Variants in AXIN1 observed in about 807,000 individuals in gnomAD.
AXIN1 encodes axin 1.
In AXIN1, 30 loss-of-function variants were observed where a neutral mutation model predicts 76.4. That is an observed-to-expected ratio of 0.39 (90% confidence interval 0.29 to 0.53). The LOEUF is 0.53. AXIN1 is among the 20% of genes least tolerant of loss of function. AXIN1 has a pLI of 0.66. For missense variants in AXIN1, 1,140 were observed against 1,198.8 expected (o/e 0.95, Z 0.72); for synonymous variants, 545 against 501.4 (o/e 1.09, Z -1.16).
intron 2 of AXIN1, among the ~76,000 whole-genome samples, chr16:325,995 C>T (rs1340705845): frequency 6.6e-6 from 1 of 151,974 alleles, no homozygotes; most frequent in Non-Finnish European, 1.5e-5. Flanking sequence ...GGAGAGGTCT[C>T]GCTTCTGTTT....
intron 2 of AXIN1, among the ~76,000 whole-genome samples, chr16:320,721 G>GTATATATATATA (rs1363646713): frequency 5.0e-5 from 6 of 120,168 alleles, no homozygotes; most frequent in African/African-American, 2.1e-4. Context: ...ATGCGTGTGT[G>GTATATATATATA]TGTATATATA....
In AXIN1 at chr16:297,941, G is replaced by A. The variant is rs2052761107; in HGVS notation, c.1565C>T (p.Ala522Val). 2 of 1,601,412 alleles carry A rather than the reference G, an allele frequency of 1.2e-6. No homozygotes were observed. Among genetic ancestry groups the A allele is most frequent in the South Asian group, 1.1e-5 (1 of 90,766 alleles). The change falls in exon 6 of 11, where the codon GCG becomes GTG. Residue 522 changes from alanine (A) to valine (V), a missense_variant. Coordinates refer to ENST00000262320, the MANE Select transcript of AXIN1 (RefSeq NM_003502.4). ...GTGCAGGCCGGCCGCGTCCAGCTTC[G>A]CCCCTGACTTGGGTACGTGCTTCCC... The part of the protein sequence containing the change: ...GHGKHVPKSG[A>V]KLDAAGLHHH...
chr16:300,370 T>C (rs1003798000), intron 5 of AXIN1, among the ~76,000 whole-genome samples: 1 of 151,024 alleles, frequency 6.6e-6, no homozygotes, highest in Non-Finnish European at 1.5e-5. Context: ...TTCTTTTTCT[T>C]TTTTTTTTGT....
At chr16:296,568 T>A (rs1216436958) in intron 7 of AXIN1, among the ~76,000 whole-genome samples, 1 of 152,132 alleles carries the variant, frequency 6.6e-6, no homozygotes, top group Non-Finnish European at 1.5e-5. Context: ...GGGGCCTTGC[T>A]CCACACCACA....
chr16:322,188 G>A (rs1332490483), intron 2 of AXIN1, among the ~76,000 whole-genome samples: 1 of 152,240 alleles, frequency 6.6e-6, no homozygotes, highest in Non-Finnish European at 1.5e-5. Flanking sequence ...GCTTCTCCCA[G>A]GCCTGGCTCA....
intron 2 of AXIN1, among the ~76,000 whole-genome samples, chr16:325,300 T>A (rs2141637285): frequency 7.6e-6 from 1 of 131,202 alleles, no homozygotes; most frequent in African/African-American, 3.3e-5. Context: ...GGGGAGCTAG[T>A]GCCCCCCGCT....
Position 314,652 on chromosome 16 carries a change from A to C in AXIN1, c.910T>G (p.Tyr304Asp). ...YGSWREPVNP[Y>D]YVNAGYALAP... ...AGGGCATAGCCGGCATTGACATAATAGGGGTTGACTGGCTCCCGCCAGGAT... is the reference window on the plus strand; with the variant it reads ...AGGGCATAGCCGGCATTGACATAATCGGGGTTGACTGGCTCCCGCCAGGAT... The change falls in exon 3 of 11, where the codon TAT (tyrosine) becomes GAT (aspartate). Residue 304 changes from tyrosine to aspartate, a missense_variant. By Grantham distance (160) the Tyr-to-Asp change is radical. Around this residue, in one of 3 missense-constraint regions of AXIN1, gnomAD observed 708 missense variants for 776.9 expected, o/e 0.91. Coordinates refer to ENST00000262320, the MANE Select transcript of AXIN1 (RefSeq NM_003502.4). 1 of 1,613,970 alleles carries C rather than the reference A, an allele frequency of 6.2e-7. No homozygotes were observed. Among genetic ancestry groups the C allele is most frequent in the Non-Finnish European group, 8.5e-7 (1 of 1,180,020 alleles).
intron 6 of AXIN1, 146 bp from the exon 7 acceptor site, chr16:297,372 C>T (rs1020573869): frequency 1.7e-5 from 18 of 1,061,074 alleles, no homozygotes; most frequent in East Asian, 2.6e-5. Flanking sequence ...GTCCCCCACC[C>T]GCTGTCCCCC....
intron 2 of AXIN1, among the ~76,000 whole-genome samples, chr16:321,134 AC>A (rs1445957157): frequency 6.6e-6 from 1 of 152,040 alleles, no homozygotes; most frequent in Non-Finnish European, 1.5e-5. Context: ...CCTGGGAATC[AC>A]CCGAAACCAC....
In AXIN1 at chr16:291,564, C is replaced by T. The variant is rs182102069; in HGVS notation, c.2187-267G>A. On this transcript the variant is annotated intron_variant, in intron 8 of 10. Transcript: ENST00000262320. ...CCTGGACCGCACTTTGGGGAGCTTCCGATCAGGGGTGCTGGGATCCCACCA... is the reference window on the plus strand; with the variant it reads ...CCTGGACCGCACTTTGGGGAGCTTCTGATCAGGGGTGCTGGGATCCCACCA... 654 of 537,382 alleles carry T rather than the reference C, an allele frequency of 1.2e-3. 10 individuals carry two copies. The highest frequency in any genetic ancestry group is 6.7e-3 in the Middle Eastern group (13 of 1,952). The allele number at this position is 537,382 out of a possible 1,614,324, so 33.3% of individuals were successfully genotyped here.
chr16:304,447 A>C lies in AXIN1; in HGVS notation c.1117-6T>G. 6.2e-7 allele frequency: 1 copy of C among 1,612,666 alleles called. No homozygotes were observed. On this transcript the variant is annotated splice_polypyrimidine_tract_variant and splice_region_variant and intron_variant, in intron 4 of 10. Coordinates refer to ENST00000262320, the MANE Select transcript of AXIN1 (RefSeq NM_003502.4). ...TTCGGCACCCGGTACGTGCGCTGCG[A>C]GGGACAGGACTGTGAGGCACGGGGG...
intron 2 of AXIN1, among the ~76,000 whole-genome samples, chr16:324,695 G>A (rs913382658): frequency 1.3e-5 from 2 of 152,232 alleles, no homozygotes; most frequent in Non-Finnish European, 2.9e-5. Flanking sequence ...ACCAGGAGGA[G>A]GAGGGGCACC....
At chr16:299,445 C>T (rs1232442787) in intron 5 of AXIN1, among the ~76,000 whole-genome samples, 7 of 151,768 alleles carry the variant, frequency 4.6e-5, no homozygotes, top group Non-Finnish European at 8.8e-5. Flanking sequence ...CTCCACCTCC[C>T]GGGCTCAAGC....
At chr16:321,036 C>T (rs913244285) in intron 2 of AXIN1, among the ~76,000 whole-genome samples, 4 of 152,128 alleles carry the variant, frequency 2.6e-5, no homozygotes, top group Non-Finnish European at 4.4e-5. Flanking sequence ...CTGCGCCTGC[C>T]CACAAAAAAT....
At chr16:339,347 CAAA>C (rs34322902) in intron 2 of AXIN1, among the ~76,000 whole-genome samples, 20 of 128,090 alleles carry the variant, frequency 1.6e-4, no homozygotes, top group Non-Finnish European at 2.8e-4. Flanking sequence ...ACTAAAAATA[CAAA>C]AAAAAAAAAA....
At chr16:351,895 G>C (rs1486242751) in intron 1 of AXIN1, among the ~76,000 whole-genome samples, 1 of 152,194 alleles carries the variant, frequency 6.6e-6, no homozygotes, top group Non-Finnish European at 1.5e-5. Flanking sequence ...CCAAAGTGCG[G>C]GGCGGGGGTA....
chr16:338,095 C>A (rs549705667), intron 2 of AXIN1, among the ~76,000 whole-genome samples: 11 of 152,360 alleles, frequency 7.2e-5, no homozygotes, highest in Admixed American at 3.3e-4. Context: ...GCGGCCCTCT[C>A]TCCCTGACAG....
intron 2 of AXIN1, among the ~76,000 whole-genome samples, chr16:328,778 A>G (rs1484140945): frequency 6.6e-6 from 1 of 152,224 alleles, no homozygotes; most frequent in South Asian, 2.1e-4. Flanking sequence ...TGAAAGGCAC[A>G]TGGCAACGGG....
intron 2 of AXIN1, among the ~76,000 whole-genome samples, chr16:329,618 G>C (rs1401112113): frequency 1.4e-5 from 2 of 147,748 alleles, no homozygotes; most frequent in Non-Finnish European, 3.0e-5. Flanking sequence ...GCTAATTTTT[G>C]TTTTTTTTTG....
Sources: allele counts gnomAD v4.1 joint callset (sites outside exome capture counted in the v4.1 genomes callset), GRCh38; gene constraint gnomAD v4.1.1; regional missense constraint gnomAD v4.1.1; transcripts MANE v1.5; gene names NCBI Gene and HGNC (gene_info 2026-07-23, HGNC 2026-07-21).